Variants in DCDC1 observed in about 807,000 individuals in gnomAD.
DCDC1 encodes doublecortin domain containing 1, also known as doublecortin domain-containing protein 1.
DCDC1 carries 200 observed loss-of-function variants against 178.3 expected under a neutral mutation model. That is an observed-to-expected ratio of 1.12 (90% CI 1.00 to 1.26). The LOEUF (loss-of-function observed/expected upper bound fraction) is 1.26. Among genes scored for constraint, DCDC1 ranks in the 50% most tolerant of loss-of-function variants. DCDC1 has a pLI of 0.00. For synonymous variants in DCDC1, 690 were observed against 604.8 expected, an observed-to-expected ratio of 1.14 and a Z score of -2.07; for missense variants, 1,983 against 1,749.2, an observed-to-expected ratio of 1.13 and a Z score of -2.38.
At chr11:31,008,050 A>G (rs189072568) in intron 20 of DCDC1, among the ~76,000 whole-genome samples, 38 of 152,278 alleles carry the variant, frequency 2.5e-4, no homozygotes, top group Admixed American at 1.1e-3. Context: ...CACTAACTTC[A>G]TCTCCTCTCC....
chr11:31,073,890 T>G (rs924542972), intron 18 of DCDC1, among the ~76,000 whole-genome samples: 5 of 152,186 alleles, frequency 3.3e-5, no homozygotes, highest in Admixed American at 6.6e-5. Flanking sequence ...ATAACACATT[T>G]TTATATTTAA....
chr11:30,875,383 A>G (rs552853835), intron 38 of DCDC1, among the ~76,000 whole-genome samples: 33 of 152,346 alleles, frequency 2.2e-4, no homozygotes, highest in South Asian at 2.1e-3. Context: ...CCAGCGGTTC[A>G]ATAGAAACAA....
intron 20 of DCDC1, among the ~76,000 whole-genome samples, chr11:31,044,358 T>A (rs1182235920): frequency 6.6e-6 from 1 of 150,926 alleles, no homozygotes; most frequent in African/African-American, 2.4e-5. Flanking sequence ...GAACCTGTAG[T>A]CCCAGCTGCT....
chr11:30,869,668 G>A (rs1286160281), intron 38 of DCDC1, among the ~76,000 whole-genome samples: 2 of 152,170 alleles, frequency 1.3e-5, no homozygotes, highest in African/African-American at 4.8e-5. Flanking sequence ...GAAAGCTGCA[G>A]GAAGAAAATG....
chr11:31,308,923 C>A (rs1948611317), intron 3 of DCDC1, among the ~76,000 whole-genome samples: 1 of 151,060 alleles, frequency 6.6e-6, no homozygotes, highest in African/African-American at 2.4e-5. Context: ...CATAATATAA[C>A]CCCCCCAAAC....
intron 8 of DCDC1, among the ~76,000 whole-genome samples, chr11:31,247,658 G>A (rs773225534): frequency 6.6e-6 from 1 of 151,886 alleles, no homozygotes; most frequent in Non-Finnish European, 1.5e-5. Context: ...TACGCTTTAT[G>A]CCTCTTTCTA....
intron 3 of DCDC1, among the ~76,000 whole-genome samples, chr11:31,325,034 T>C (rs1949573194): frequency 6.6e-6 from 1 of 152,168 alleles, no homozygotes; most frequent in African/African-American, 2.4e-5. Context: ...AAAAATACTA[T>C]AACTTCCCAT....
intron 1 of DCDC1, among the ~76,000 whole-genome samples, chr11:31,341,719 T>C (rs758252820): frequency 3.3e-5 from 5 of 151,982 alleles, no homozygotes; most frequent in South Asian, 2.1e-4. Flanking sequence ...CACTAGGTGA[T>C]AGGCATTTTT....
At chr11:30,941,690 A>G (rs866402106) in intron 21 of DCDC1, among the ~76,000 whole-genome samples, 2 of 152,168 alleles carry the variant, frequency 1.3e-5, no homozygotes, top group African/African-American at 2.4e-5. Flanking sequence ...ATTAACTTAC[A>G]TTCCCTGAAA....
chr11:31,091,272 G>T, intron 17 of DCDC1, 121 bp downstream of exon 17: 2 of 560,910 alleles, frequency 3.6e-6, no homozygotes, highest in Non-Finnish European at 6.4e-6. Flanking sequence ...TTGTTATTAT[G>T]AACACAAATT....
chr11:31,023,943 C>T (rs1953059205), intron 20 of DCDC1, among the ~76,000 whole-genome samples: 1 of 151,910 alleles, frequency 6.6e-6, no homozygotes, highest in Non-Finnish European at 1.5e-5. Flanking sequence ...TCACTAGTTG[C>T]TGGTTATATT....
At chr11:31,314,531 T>A (rs1044188832) in intron 3 of DCDC1, 4 of 152,218 alleles carry the variant, frequency 2.6e-5, no homozygotes, top group African/African-American at 7.2e-5. Flanking sequence ...AATCAAGGTG[T>A]CAGCTGGGGC....
chr11:31,187,759 T>G (rs972964393), intron 9 of DCDC1, among the ~76,000 whole-genome samples: 6 of 152,152 alleles, frequency 3.9e-5, no homozygotes, highest in Non-Finnish European at 5.9e-5. Flanking sequence ...TCCAACAATA[T>G]TTGTTTCATT....
At chr11:31,173,256 C>T (rs1257986379) in intron 9 of DCDC1, among the ~76,000 whole-genome samples, 1 of 152,064 alleles carries the variant, frequency 6.6e-6, no homozygotes, top group Admixed American at 6.5e-5. Flanking sequence ...TTGGTGTATA[C>T]CAACAATTAA....
chr11:30,920,027 A>G (rs548042166), intron 25 of DCDC1, among the ~76,000 whole-genome samples: 3 of 152,286 alleles, frequency 2.0e-5, no homozygotes, highest in African/African-American at 7.2e-5. Context: ...TTCTACAGAT[A>G]AGTACGGGGC....
At chr11:31,265,001 T>C (rs1945052115) in intron 8 of DCDC1, among the ~76,000 whole-genome samples, 1 of 152,146 alleles carries the variant, frequency 6.6e-6, no homozygotes, top group Non-Finnish European at 1.5e-5. Context: ...ATAACATTTA[T>C]CAGCATACTG....
chr11:31,084,973 G>A (rs541531613), intron 17 of DCDC1, among the ~76,000 whole-genome samples: 38 of 150,910 alleles, frequency 2.5e-4, no homozygotes, highest in South Asian at 1.9e-3. Flanking sequence ...TTCAGTATCC[G>A]GTGTGCCTAG....
At chr11:31,173,211 T>C (rs1285794025) in intron 9 of DCDC1, among the ~76,000 whole-genome samples, 1 of 152,212 alleles carries the variant, frequency 6.6e-6, no homozygotes, top group African/African-American at 2.4e-5. Context: ...AAATTTACTC[T>C]GATAAGATAC....
At chr11:31,259,950 T>G (rs1171680543) in intron 8 of DCDC1, among the ~76,000 whole-genome samples, 4 of 152,330 alleles carry the variant, frequency 2.6e-5, no homozygotes, top group African/African-American at 7.2e-5. Context: ...CCACATTTCC[T>G]GGGAGTGGCT....
Sources: allele counts gnomAD v4.1 joint callset (sites outside exome capture counted in the v4.1 genomes callset), GRCh38; gene constraint gnomAD v4.1.1; transcripts MANE v1.5; gene names NCBI Gene and HGNC (gene_info 2026-07-23, HGNC 2026-07-21).